Variants in USP10 observed in about 807,000 individuals in gnomAD.
USP10 encodes ubiquitin specific peptidase 10.
USP10 carries 22 observed loss-of-function variants against 84.5 expected under a neutral mutation model. That is an observed-to-expected ratio of 0.26 (90% CI 0.19 to 0.37). USP10 has a LOEUF of 0.37. Ranked by LOEUF, USP10 falls within the 10% of genes least tolerant of loss-of-function variation. The pLI, the probability that USP10 is intolerant of heterozygous loss-of-function variation, is 1.00. For synonymous variants in USP10, 454 were observed against 387.6 expected (o/e 1.17, Z -2.01); for missense variants, 1,019 against 998.9 (o/e 1.02, Z -0.27).
chr16:84,722,443 A>G (rs961373691), intron 1 of USP10, among the ~76,000 whole-genome samples: 12 of 152,242 alleles, frequency 7.9e-5, no homozygotes, highest in African/African-American at 2.4e-4. Flanking sequence ...AAAATGTGGT[A>G]AGCGTATATT....
At chr16:84,718,624 G>A (rs1907368703) in intron 1 of USP10, among the ~76,000 whole-genome samples, 1 of 151,754 alleles carries the variant, frequency 6.6e-6, no homozygotes, top group South Asian at 2.1e-4. Flanking sequence ...AGACATCGTG[G>A]CACATGCCTG....
At chr16:84,760,074 A>C (rs149390088) in intron 7 of USP10, 98 bp from the exon 8 acceptor site, 1 of 1,510,910 alleles carries the variant, frequency 6.6e-7, no homozygotes, top group African/African-American at 1.4e-5. Flanking sequence ...CTCAACATTC[A>C]GCCAGGTGGG....
At chr16:84,733,165 G>C (rs1208183551) in intron 1 of USP10, 4 of 522,158 alleles carry the variant, frequency 7.7e-6, no homozygotes, top group Non-Finnish European at 1.5e-5. Flanking sequence ...AGCAGGACTC[G>C]ACAAGTTTGG....
chr16:84,704,694 G>C (rs571352692), intron 1 of USP10: 10 of 1,480,420 alleles, frequency 6.8e-6, no homozygotes, highest in Non-Finnish European at 8.9e-6. Context: ...AGAATCTTCA[G>C]ATCCTAGATT....
At chr16:84,740,242 A>G in intron 2 of USP10, 67 bp from the exon 3 acceptor site, 1 of 1,446,662 alleles carries the variant, frequency 6.9e-7, no homozygotes, top group Non-Finnish European at 9.6e-7. Flanking sequence ...TGTTGCCTTA[A>G]TTAAATGGTA....
intron 1 of USP10, among the ~76,000 whole-genome samples, chr16:84,726,449 G>C (rs940433988): frequency 6.6e-6 from 1 of 152,140 alleles, no homozygotes; most frequent in East Asian, 1.9e-4. Flanking sequence ...CTAAACCTTT[G>C]CCCAGGGTTT....
At chr16:84,715,781 A>C (rs924911269) in intron 1 of USP10, among the ~76,000 whole-genome samples, 7 of 152,194 alleles carry the variant, frequency 4.6e-5, no homozygotes, top group African/African-American at 1.7e-4. Context: ...GTTTAGTTAC[A>C]GTTTTGAGGA....
At chr16:84,756,316 C>T (rs891537733) in intron 4 of USP10, among the ~76,000 whole-genome samples, 10 of 152,228 alleles carry the variant, frequency 6.6e-5, no homozygotes, top group Admixed American at 5.9e-4. Context: ...GTTTCAGCCA[C>T]ACACCATGGC....
chr16:84,748,255 G>A (rs1404352824), intron 4 of USP10, among the ~76,000 whole-genome samples: 3 of 151,852 alleles, frequency 2.0e-5, no homozygotes, highest in African/African-American at 7.3e-5. Context: ...TGCATGGTGG[G>A]GTCCTGTTAA....
chr16:84,776,758 C>T (rs570867161), intron 13 of USP10, among the ~76,000 whole-genome samples: 13 of 152,332 alleles, frequency 8.5e-5, no homozygotes, highest in Non-Finnish European at 1.5e-4. Flanking sequence ...CAACCTGCCT[C>T]GCCCCGGGAC....
At chr16:84,746,656 G>C (rs533453824) in intron 4 of USP10, among the ~76,000 whole-genome samples, 23 of 152,312 alleles carry the variant, frequency 1.5e-4, no homozygotes, top group African/African-American at 5.3e-4. Context: ...AGTGGCTCTG[G>C]ATGGGTCAGT....
chr16:84,739,311 G>A (rs1205180330), intron 2 of USP10, among the ~76,000 whole-genome samples: 1 of 150,468 alleles, frequency 6.6e-6, no homozygotes, highest in African/African-American at 2.4e-5. Context: ...TTGCTCTATT[G>A]CCCAGGCTGG....
intron 4 of USP10, among the ~76,000 whole-genome samples, chr16:84,747,545 A>G (rs1232241784): frequency 6.9e-6 from 1 of 145,678 alleles, no homozygotes; most frequent in Non-Finnish European, 1.5e-5. Flanking sequence ...TATTTTTTAA[A>G]GCCAGGTGAT....
chr16:84,774,718 C>G (rs1427694155), intron 12 of USP10, among the ~76,000 whole-genome samples: 1 of 152,216 alleles, frequency 6.6e-6, no homozygotes, highest in Non-Finnish European at 1.5e-5. Flanking sequence ...GATCGCCCGT[C>G]TCAGCCTCCC....
chr16:84,735,219 GT>G, intron 2 of USP10, among the ~76,000 whole-genome samples: 1 of 63,336 alleles, frequency 1.6e-5, no homozygotes, highest in East Asian at 8.5e-4. Context: ...GTGTGTGTGT[GT>G]GTGTGTGTGT....
At chr16:84,741,886 C>G (rs558089178) in intron 3 of USP10, among the ~76,000 whole-genome samples, 1 of 152,318 alleles carries the variant, frequency 6.6e-6, no homozygotes, top group African/African-American at 2.4e-5. Context: ...ATCCATTTCT[C>G]TGTGTCTGTC....
chr16:84,740,352 T>C lies in USP10; in HGVS notation c.134T>C (p.Val45Ala). 6.2e-7 allele frequency: 1 copy of C among 1,613,088 alleles called. No homozygotes were observed. The change falls in exon 3 of 14, where the codon GTG (valine) becomes GCG (alanine). Residue 45 changes from valine to alanine, a missense_variant. By Grantham distance (64) the Val-to-Ala change is moderately conservative (BLOSUM62 0). Around this residue, in one of 2 missense-constraint regions of USP10, gnomAD observed 787 missense variants for 708.8 expected, o/e 1.11. Transcript: ENST00000219473. ...ACAGTTCTGTGTGGCACACAGGCTG[T>C]GGATAAACTACCTGATGGTAAGCTA... is the stretch of plus-strand genomic sequence containing the variant. ...SGTVLCGTQAVDKLPDGQEYQ... is the reference protein window; with the variant it reads ...SGTVLCGTQAADKLPDGQEYQ...
At chr16:84,740,249 G>C (rs1910469385) in intron 2 of USP10, 60 bp from the exon 3 acceptor site, 2 of 1,473,240 alleles carry the variant, frequency 1.4e-6, no homozygotes, top group Non-Finnish European at 1.9e-6. Context: ...TTAATTAAAT[G>C]GTAAGCGTTG....
At chr16:84,703,084 G>A (rs536995533) in intron 1 of USP10, among the ~76,000 whole-genome samples, 1 of 150,776 alleles carries the variant, frequency 6.6e-6, no homozygotes, top group African/African-American at 2.4e-5. Flanking sequence ...ATATTAGAAA[G>A]TGTTGGTTGA....
Sources: allele counts gnomAD v4.1 joint callset (sites outside exome capture counted in the v4.1 genomes callset), GRCh38; gene constraint gnomAD v4.1.1; regional missense constraint gnomAD v4.1.1; transcripts MANE v1.5; gene names NCBI Gene and HGNC (gene_info 2026-07-23, HGNC 2026-07-21).